BBS9: variants seen among roughly 807,000 people sequenced by gnomAD.
The protein encoded by BBS9 is protein PTHB1.
BBS9 carries 89 observed loss-of-function variants against 117.7 expected under a neutral mutation model. The ratio of observed to expected loss-of-function variants is 0.76; its 90% CI spans 0.64 to 0.90. BBS9 has a LOEUF of 0.90. BBS9 is among the 40% of genes least tolerant of loss of function. BBS9 has a pLI of 0.00. For missense variants in BBS9, 982 were observed against 1,042.2 expected (o/e 0.94, Z 0.80); for synonymous variants, 379 against 370.9 (o/e 1.02, Z -0.25).
At chr7:33,341,523 A>G (rs1431786298) in intron 11 of BBS9, among the ~76,000 whole-genome samples, 2 of 152,032 alleles carry the variant, frequency 1.3e-5, no homozygotes, top group African/African-American at 4.8e-5. Flanking sequence ...TCTTAGTCTC[A>G]ATTTTCTCAT....
At chr7:33,547,423 C>T (rs1853577620) in intron 21 of BBS9, among the ~76,000 whole-genome samples, 1 of 152,068 alleles carries the variant, frequency 6.6e-6, no homozygotes, top group African/African-American at 2.4e-5. Context: ...AAATGGAAAA[C>T]TTTTGGGAGG....
At chr7:33,541,376 C>T (rs1012803252) in intron 21 of BBS9, among the ~76,000 whole-genome samples, 5 of 152,162 alleles carry the variant, frequency 3.3e-5, no homozygotes, top group African/African-American at 9.7e-5. Context: ...GCCCACACTG[C>T]TATTTCCAAC....
intron 5 of BBS9, among the ~76,000 whole-genome samples, chr7:33,197,131 G>GGTA (rs1223945821): frequency 3.9e-5 from 6 of 151,998 alleles, no homozygotes; most frequent in Non-Finnish European, 7.4e-5. Context: ...TTTCTTTCAT[G>GGTA]GTAGCTAAAT....
chr7:33,529,872 T>A (rs1232387765), intron 20 of BBS9, among the ~76,000 whole-genome samples: 1 of 152,234 alleles, frequency 6.6e-6, no homozygotes, highest in Non-Finnish European at 1.5e-5. Context: ...CTTTAAAAGA[T>A]AAAGGTTAGG....
chr7:33,590,119 A>G (rs1310874106), intron 21 of BBS9, among the ~76,000 whole-genome samples: 1 of 152,128 alleles, frequency 6.6e-6, no homozygotes, highest in Non-Finnish European at 1.5e-5. Flanking sequence ...GAGAGCTGAA[A>G]ATTAGCCCAT....
intron 6 of BBS9, among the ~76,000 whole-genome samples, chr7:33,262,076 A>G (rs1268407955): frequency 3.3e-5 from 5 of 152,224 alleles, no homozygotes; most frequent in Non-Finnish European, 7.3e-5. Context: ...AGGAAGAACC[A>G]TAAAATAGAT....
chr7:33,204,902 G>GT (rs548928626), intron 5 of BBS9, among the ~76,000 whole-genome samples: 45 of 152,286 alleles, frequency 3.0e-4, no homozygotes, highest in African/African-American at 1.1e-3. Flanking sequence ...GTTCCTCTTA[G>GT]TTTTTCCAGT....
At chr7:33,434,539 A>G (rs1835017338) in intron 19 of BBS9, among the ~76,000 whole-genome samples, 1 of 152,102 alleles carries the variant, frequency 6.6e-6, no homozygotes, top group African/African-American at 2.4e-5. Context: ...TTGAACGGAA[A>G]TATGGTGTAG....
Position 33,383,658 on chromosome 7 carries a change from T to C in BBS9, c.1790-8T>C. The C allele has an allele frequency of 6.3e-7, 1 of 1,597,258 alleles. No individual in the cohort carries two copies. Among genetic ancestry groups the C allele is most frequent in the East Asian group, 2.2e-5 (1 of 44,742 alleles). On this transcript the variant is annotated splice_region_variant and splice_polypyrimidine_tract_variant and intron_variant, in intron 17 of 22. Coordinates refer to ENST00000242067, the MANE Select transcript of BBS9 (RefSeq NM_198428.3). The stretch of plus-strand genomic sequence containing the variant: ...ACTAAGCATTTTTCCTTAATTTTTT[T>C]CTCTCAGAACGATATCGCATTCAGA...
At chr7:33,492,211 A>AAC (rs1844041956) in intron 19 of BBS9, among the ~76,000 whole-genome samples, 1 of 145,360 alleles carries the variant, frequency 6.9e-6, no homozygotes, top group East Asian at 2.0e-4. Context: ...TCGAAAAAAA[A>AAC]AACAAAAAAA....
chr7:33,344,107 G>T (rs1350682665), intron 11 of BBS9, among the ~76,000 whole-genome samples: 1 of 107,422 alleles, frequency 9.3e-6, no homozygotes, highest in Admixed American at 1.1e-4. Context: ...TTTTTTTGAG[G>T]CAGAGTCTCT....
chr7:33,273,235 A>T, intron 8 of BBS9, 40 bp downstream of exon 8: 1 of 1,601,634 alleles, frequency 6.2e-7, no homozygotes, highest in Non-Finnish European at 8.6e-7. Flanking sequence ...CCATATGTCA[A>T]GGCTATGTGA....
At position 33,129,719 on chromosome 7, in the gene BBS9, G is replaced by GTGTC. The variant is rs1430794982; in HGVS notation, c.-332_-329dup. ...ACTTGCATTTGTTCTCGCCTGCCTA[G>GTGTC]TGTCTTCCAAGGGATAGATGCCGTT... On this transcript the variant is annotated 5_prime_UTR_variant, in exon 1 of 23. Transcript: ENST00000242067. 4.6e-5 allele frequency: 7 copies of GTGTC among 152,512 alleles called. No homozygotes were observed. The highest frequency in any genetic ancestry group is 8.8e-5 in the Non-Finnish European group (6 of 68,378). 9.4% of individuals were successfully genotyped at this position (152,512 alleles called of 1,614,324 possible). A position where few individuals can be genotyped will look rare whatever the true frequency, so the allele number is the denominator to read the frequency against.
intron 4 of BBS9, among the ~76,000 whole-genome samples, chr7:33,169,780 TA>T (rs1796255397): frequency 6.6e-6 from 1 of 151,556 alleles, no homozygotes; most frequent in Non-Finnish European, 1.5e-5. Context: ...ACTCTGATGG[TA>T]GTTTCTTTTG....
intron 19 of BBS9, among the ~76,000 whole-genome samples, chr7:33,502,411 CG>C (rs1444641295): frequency 9.2e-5 from 14 of 152,040 alleles, no homozygotes; most frequent in Non-Finnish European, 1.9e-4. Flanking sequence ...AAATGTAAAC[CG>C]TAGCCCATTG....
chr7:33,340,356 A>G (rs1293615029), intron 10 of BBS9, among the ~76,000 whole-genome samples: 1 of 152,138 alleles, frequency 6.6e-6, no homozygotes, highest in Non-Finnish European at 1.5e-5. Flanking sequence ...GATGGACAGC[A>G]CCCTTATTTA....
intron 19 of BBS9, among the ~76,000 whole-genome samples, chr7:33,477,541 G>C (rs1016453350): frequency 6.6e-6 from 1 of 151,980 alleles, no homozygotes; most frequent in Non-Finnish European, 1.5e-5. Flanking sequence ...GTGAATGTAA[G>C]GACTTCAATT....
At chr7:33,457,610 T>A (rs1002431712) in intron 19 of BBS9, among the ~76,000 whole-genome samples, 2 of 152,170 alleles carry the variant, frequency 1.3e-5, no homozygotes, top group African/African-American at 4.8e-5. Flanking sequence ...CTAAAATACT[T>A]CACAGAATAT....
chr7:33,130,588 G>A (rs944974351), intron 1 of BBS9, among the ~76,000 whole-genome samples: 2 of 152,082 alleles, frequency 1.3e-5, no homozygotes, highest in African/African-American at 2.4e-5. Flanking sequence ...CATCTTACAT[G>A]TCCTCATTGA....
Sources: gnomAD v4.1 joint callset for allele counts (sites outside exome capture counted in the v4.1 genomes callset) on GRCh38, gnomAD v4.1.1 for gene constraint, MANE v1.5 for transcripts, NCBI Gene and HGNC (gene_info 2026-07-23, HGNC 2026-07-21) for gene names.